IGF2R: variants seen among roughly 807,000 people sequenced by gnomAD.
IGF2R encodes cation-independent mannose-6-phosphate receptor.
A neutral mutation model predicts 270.6 loss-of-function variants in IGF2R; 91 were observed. The ratio of observed to expected loss-of-function variants is 0.34; its 90% CI spans 0.28 to 0.40. The LOEUF is 0.40. IGF2R is among the 10% of genes least tolerant of loss of function. The probability of loss-of-function intolerance (pLI) is 1.00; values close to 1 mark genes in which losing one functional copy is unlikely to be tolerated. For synonymous variants in IGF2R, 1,316 were observed against 1,258.9 expected (o/e 1.05, Z -0.96); for missense variants, 2,805 against 3,188.3 (o/e 0.88, Z 2.90).
intron 17 of IGF2R, among the ~76,000 whole-genome samples, 190 bp from the exon 18 acceptor site, chr6:160,048,185 T>C (rs563127351): frequency 5.3e-4 from 81 of 152,366 alleles, no homozygotes; most frequent in South Asian, 4.1e-3. Context: ...TAAGGTCCAC[T>C]GCATACTGAG....
chr6:159,986,420 G>T (rs1220592886), intron 1 of IGF2R, among the ~76,000 whole-genome samples: 1 of 109,986 alleles, frequency 9.1e-6, no homozygotes, highest in Non-Finnish European at 1.8e-5. Flanking sequence ...GTGTGTGTGT[G>T]TGTGTGTGTG....
In IGF2R at chr6:159,989,682, T is replaced by C. The variant is rs1044164101; in HGVS notation, c.150-1502T>C. Among the ~76,000 whole-genome samples, 13 of 152,246 alleles carry C rather than the reference T, an allele frequency of 8.5e-5. 1 individual carries two copies. Among genetic ancestry groups the C allele is most frequent in the Non-Finnish European group, 1.9e-4 (13 of 68,022 alleles). ...GCTGGCTTCAAGTGATCCTCTGGCC[T>C]TCGCCTCCCAAAGTGCTGGGATACA... On this transcript the variant is annotated intron_variant, in intron 1 of 47. Coordinates refer to ENST00000356956, the MANE Select transcript of IGF2R (RefSeq NM_000876.4).
At chr6:160,014,067 A>T (rs183186944) in intron 4 of IGF2R, among the ~76,000 whole-genome samples, 1 of 152,292 alleles carries the variant, frequency 6.6e-6, no homozygotes. Context: ...GATGGGCAAA[A>T]ATCATGGTAG....
At chr6:160,045,664 T>C (rs1778052468) in intron 13 of IGF2R, 81 bp from the exon 14 acceptor site, 1 of 1,556,372 alleles carries the variant, frequency 6.4e-7, no homozygotes, top group Non-Finnish European at 8.9e-7. Flanking sequence ...CTTCCAAGTC[T>C]ACTTCTAGCA....
intron 1 of IGF2R, among the ~76,000 whole-genome samples, chr6:159,988,564 G>C (rs1441695669): frequency 1.4e-5 from 2 of 143,176 alleles, no homozygotes; most frequent in Non-Finnish European, 3.1e-5. Context: ...AGGTACGTGT[G>C]GATCTCTTTA....
chr6:160,013,584 G>T (rs2115210064), intron 4 of IGF2R, among the ~76,000 whole-genome samples: 1 of 152,306 alleles, frequency 6.6e-6, no homozygotes, highest in East Asian at 1.9e-4. Flanking sequence ...ACCTCTTCAG[G>T]TGTAATTGGC....
intron 2 of IGF2R, among the ~76,000 whole-genome samples, chr6:160,008,041 C>G (rs1304134640): frequency 6.6e-6 from 1 of 152,150 alleles, no homozygotes; most frequent in Admixed American, 6.5e-5. Context: ...CTAAAATACA[C>G]TAATACTCAT....
In IGF2R at chr6:160,084,956, T is replaced by C; in HGVS notation, c.6069-39T>C. On this transcript the variant is annotated intron_variant, in intron 40 of 47. Coordinates refer to ENST00000356956, the MANE Select transcript of IGF2R (RefSeq NM_000876.4). The surrounding 1 kb of genome is among the most constrained non-coding windows in gnomAD (Gnocchi z 4.6). ...TCCTGTGTCAGGGCAGAGACGTCAC[T>C]TGCATGCCTTTTACCTGCCCCTTTG... 6.3e-7 allele frequency: 1 copy of C among 1,595,114 alleles called. No individual in the cohort carries two copies. Among genetic ancestry groups the C allele is most frequent in the Non-Finnish European group, 8.6e-7 (1 of 1,165,262 alleles).
intron 14 of IGF2R, 143 bp downstream of exon 14, chr6:160,046,025 G>T: frequency 1.5e-6 from 1 of 650,704 alleles, no homozygotes; most frequent in East Asian, 3.0e-5. Context: ...AACATCCGAT[G>T]TTTGAGGCTT....
chr6:160,093,509 T>C (rs1888727), intron 44 of IGF2R: 250,623 of 575,932 alleles, frequency 0.44, 57,111 homozygotes, highest in East Asian at 0.68. Flanking sequence ...AAATCACACG[T>C]CTGTACAGCC....
At chr6:160,056,964 TC>T (rs2115257899) in intron 20 of IGF2R, among the ~76,000 whole-genome samples, 1 of 152,288 alleles carries the variant, frequency 6.6e-6, no homozygotes, top group African/African-American at 2.4e-5. Flanking sequence ...GTTAATGTGA[TC>T]CTGTCTATAG....
At chr6:160,043,098 A>T in intron 11 of IGF2R, 50 bp from the exon 12 acceptor site, 1 of 1,598,822 alleles carries the variant, frequency 6.3e-7, no homozygotes, top group Non-Finnish European at 8.5e-7. Flanking sequence ...TCTGTGACTC[A>T]GAGAAATCAG....
At position 160,079,678 on chromosome 6, in the gene IGF2R, A is replaced by G. The variant is rs1054195623; in HGVS notation, c.5577A>G (p.Ser1859=). The change falls in exon 38 of 48, where the codon TCA becomes TCG. Residue 1859 remains serine, a synonymous_variant. Transcript: ENST00000356956. ...AGGACGGAGGAGTCTGTCTGCTCTC[A>G]GGCACCAAGGGGGCATCCTTTGGAC... ...GCKDGGVCLL[S]GTKGASFGRL... is the part of the protein sequence containing the mutation. The G allele has an allele frequency of 5.6e-5, 88 of 1,557,738 alleles. No homozygotes were observed. Among genetic ancestry groups the G allele is most frequent in the Non-Finnish European group, 7.5e-5 (87 of 1,153,398 alleles).
At chr6:159,982,195 G>C (rs1783816573) in intron 1 of IGF2R, among the ~76,000 whole-genome samples, 1 of 152,192 alleles carries the variant, frequency 6.6e-6, no homozygotes, top group Non-Finnish European at 1.5e-5. Flanking sequence ...CCAAGGTCCA[G>C]TGTGGGAACC....
chr6:160,109,430 T>C lies in IGF2R; in HGVS notation c.*4346T>C, dbSNP rs919569179. 6.6e-6 allele frequency: 1 copy of C among 152,248 alleles called. No homozygotes were observed. The highest frequency in any genetic ancestry group is 1.5e-5 in the Non-Finnish European group (1 of 68,044). 9.4% of individuals were successfully genotyped at this position (152,248 alleles called of 1,614,324 possible). A position where few individuals can be genotyped will look rare whatever the true frequency, so the allele number is the denominator to read the frequency against. Reference sequence around the variant, plus strand: ...TCTTTTAAAACATTTTGAGACAACATGTAGACATTCAAACTTACAGAACAA... The same window carrying C: ...TCTTTTAAAACATTTTGAGACAACACGTAGACATTCAAACTTACAGAACAA... On this transcript the variant is annotated 3_prime_UTR_variant, in exon 48 of 48. Coordinates refer to ENST00000356956, the MANE Select transcript of IGF2R (RefSeq NM_000876.4).
In IGF2R at chr6:160,105,816, T is replaced by C. The variant is rs1236264525; in HGVS notation, c.*732T>C. The stretch of plus-strand genomic sequence containing the variant: ...AATGGCTGCACCTTTTTGCATGATA[T>C]CTTCAAGCCTGGGCGTACAGAGCAC... On this transcript the variant is annotated 3_prime_UTR_variant, in exon 48 of 48. Transcript: ENST00000356956. The C allele has an allele frequency of 6.6e-6, 1 of 152,654 alleles. No individual in the cohort carries two copies. The highest frequency in any genetic ancestry group is 2.4e-5 in the African/African-American group (1 of 41,452). The allele number at this position is 152,654 out of a possible 1,614,324, so 9.5% of individuals were successfully genotyped here. A position where few individuals can be genotyped will look rare whatever the true frequency, so the allele number is the denominator to read the frequency against.
intron 29 of IGF2R, among the ~76,000 whole-genome samples, chr6:160,066,098 T>C (rs1336868357): frequency 6.7e-6 from 1 of 148,784 alleles, no homozygotes; most frequent in Non-Finnish European, 1.5e-5. Context: ...CACTGCAACC[T>C]CCGCCTCCCG....
intron 4 of IGF2R, among the ~76,000 whole-genome samples, chr6:160,011,085 C>T (rs1402171053): frequency 2.0e-5 from 3 of 152,088 alleles, no homozygotes; most frequent in South Asian, 4.1e-4. Context: ...AACTAAGTGA[C>T]GTGTTTGGGC....
intron 11 of IGF2R, among the ~76,000 whole-genome samples, chr6:160,042,314 A>T (rs568872948): frequency 7.9e-5 from 12 of 152,190 alleles, no homozygotes; most frequent in African/African-American, 1.4e-4. Flanking sequence ...ATTGGAAAGT[A>T]CTTCTCCAAA....
Sources: allele counts gnomAD v4.1 joint callset (sites outside exome capture counted in the v4.1 genomes callset), GRCh38; gene constraint gnomAD v4.1.1; non-coding constraint Gnocchi (gnomAD v3.1); transcripts MANE v1.5; gene names NCBI Gene and HGNC (gene_info 2026-07-23, HGNC 2026-07-21).